Variants in IRAG1 observed in about 807,000 individuals in gnomAD.
The protein encoded by IRAG1 is inositol 1,4,5-triphosphate receptor associated 1, also known as IP3R-associated cGMP kinase substrate.
A neutral mutation model predicts 106.2 loss-of-function variants in IRAG1; 62 were observed. The ratio of observed to expected loss-of-function variants is 0.58; its 90% CI spans 0.48 to 0.72. The LOEUF (loss-of-function observed/expected upper bound fraction) is 0.72, where lower values mean the gene tolerates loss of function less well. Among genes scored for constraint, IRAG1 ranks in the 30% least tolerant of loss-of-function variants. The probability of loss-of-function intolerance (pLI) is 0.00; values close to 1 mark genes in which losing one functional copy is unlikely to be tolerated. For synonymous variants in IRAG1, 462 were observed against 443.9 expected (o/e 1.04, Z -0.51); for missense variants, 1,064 against 1,140.7 (o/e 0.93, Z 0.97).
At chr11:10,638,964 C>A (rs2134731567) in intron 2 of IRAG1, among the ~76,000 whole-genome samples, 1 of 152,294 alleles carries the variant, frequency 6.6e-6, no homozygotes, top group South Asian at 2.1e-4. Flanking sequence ...CTCTGTCTCC[C>A]AGGCTGGAGT....
At chr11:10,649,146 G>A (rs1489506964) in intron 2 of IRAG1, among the ~76,000 whole-genome samples, 1 of 152,166 alleles carries the variant, frequency 6.6e-6, no homozygotes, top group Non-Finnish European at 1.5e-5. Context: ...AGCTCCTGAG[G>A]CCTGACCCTC....
At chr11:10,687,682 A>C in intron 1 of IRAG1, 1 of 1,286,272 alleles carries the variant, frequency 7.8e-7, no homozygotes, top group Non-Finnish European at 1.0e-6. Flanking sequence ...GAAGTCCACC[A>C]CTCTCCTTGC....
chr11:10,581,733 G>A (rs1219858087), intron 19 of IRAG1, 134 bp downstream of exon 19: 17 of 1,090,840 alleles, frequency 1.6e-5, no homozygotes, highest in Non-Finnish European at 2.2e-5. Flanking sequence ...TTCCTATGTA[G>A]TTCCTTCCTG....
In IRAG1 at chr11:10,610,585, C is replaced by G. The variant is rs137893962; in HGVS notation, c.1448-734G>C. Among the ~76,000 whole-genome samples the G allele has an allele frequency of 1.9e-3, 290 of 152,360 alleles. 1 individual carries two copies. The highest frequency in any genetic ancestry group is 8.5e-3 in the South Asian group (41 of 4,830). On this transcript the variant is annotated intron_variant, in intron 10 of 20. Transcript: ENST00000423302. ...CCAGACTCTAGCTCCATTTTTCCAA[C>G]AAGCTCACTGTGCTCCACTGTGGCC...
chr11:10,577,432 T>C (rs927758844), intron 20 of IRAG1, among the ~76,000 whole-genome samples: 5 of 152,176 alleles, frequency 3.3e-5, no homozygotes, highest in African/African-American at 1.2e-4. Flanking sequence ...ACCGGGCAGA[T>C]GGCCTGCTTT....
At chr11:10,602,468 G>A (rs1170555322) in intron 14 of IRAG1, among the ~76,000 whole-genome samples, 1 of 152,218 alleles carries the variant, frequency 6.6e-6, no homozygotes, top group East Asian at 1.9e-4. Context: ...GCCAGGATTA[G>A]AACTCGGGCA....
At chr11:10,623,923 C>G (rs1856026628) in intron 9 of IRAG1, 67 bp from the exon 10 acceptor site, 2 of 1,457,620 alleles carry the variant, frequency 1.4e-6, no homozygotes, top group Admixed American at 3.4e-5. Context: ...TCTCTTGGCT[C>G]TGTCTATGGT....
intron 13 of IRAG1, 32 bp downstream of exon 13, chr11:10,604,373 C>T: frequency 6.2e-7 from 1 of 1,613,386 alleles, no homozygotes; most frequent in Non-Finnish European, 8.5e-7. Context: ...GTCTCTGCTC[C>T]AGGGATTCCT....
chr11:10,653,265 G>C (rs1451426808), intron 1 of IRAG1, among the ~76,000 whole-genome samples: 1 of 152,206 alleles, frequency 6.6e-6, no homozygotes. Flanking sequence ...GGGACCTGCA[G>C]AGAAACAGAA....
intron 1 of IRAG1, 181 bp downstream of exon 1, chr11:10,693,355 T>C: frequency 8.0e-7 from 1 of 1,245,234 alleles, no homozygotes; most frequent in Non-Finnish European, 1.1e-6. Flanking sequence ...ACTTCTGATT[T>C]AAAACTTAAG....
chr11:10,689,311 T>G (rs1861886790), intron 1 of IRAG1, among the ~76,000 whole-genome samples: 1 of 152,232 alleles, frequency 6.6e-6, no homozygotes, highest in Non-Finnish European at 1.5e-5. Flanking sequence ...CTGGAAGTCC[T>G]GCAGCAATTC....
intron 18 of IRAG1, among the ~76,000 whole-genome samples, chr11:10,582,217 G>A (rs879436257): frequency 1.3e-5 from 2 of 152,046 alleles, no homozygotes; most frequent in Admixed American, 6.5e-5. Flanking sequence ...TTCTCCTCAT[G>A]CTCCCAAACT....
chr11:10,592,163 G>T (rs1852752744), intron 17 of IRAG1, among the ~76,000 whole-genome samples: 1 of 152,074 alleles, frequency 6.6e-6, no homozygotes, highest in Non-Finnish European at 1.5e-5. Flanking sequence ...CTCAATGTTG[G>T]CTGCACATTA....
rs781756532 is a variant in IRAG1 at position 10,593,562 on chromosome 11, G to C, written c.2105C>G (p.Pro702Arg). The change falls in exon 17 of 21, where the codon CCT (proline) becomes CGT (arginine). Residue 702 changes from proline (P) to arginine (R), a missense_variant. By Grantham distance (103) the Pro-to-Arg change is moderately radical. Transcript: ENST00000423302. ...AGGCAGATTCAGGGCATTAAACTTA[G>C]GAACCACAGCAACGCTGACCCTCCG... The part of the protein sequence containing the change: ...PRRRVSVAVV[P>R]KFNALNLPGQ... The C allele has an allele frequency of 2.5e-6, 4 of 1,613,842 alleles. No individual in the cohort carries two copies. The highest frequency in any genetic ancestry group is 3.4e-6 in the Non-Finnish European group (4 of 1,179,784).
chr11:10,679,132 T>G (rs2135173891), intron 1 of IRAG1, among the ~76,000 whole-genome samples: 1 of 152,258 alleles, frequency 6.6e-6, no homozygotes, highest in East Asian at 1.9e-4. Flanking sequence ...AATCTTAGTG[T>G]CCTAGTTCTA....
intron 1 of IRAG1, chr11:10,687,835 A>T: frequency 7.8e-7 from 1 of 1,283,792 alleles, no homozygotes; most frequent in South Asian, 1.2e-5. Flanking sequence ...CCGAGTGCTA[A>T]GAATAGACAG....
chr11:10,594,108 T>C (rs1381496601), intron 16 of IRAG1, 38 bp downstream of exon 16: 2 of 1,570,998 alleles, frequency 1.3e-6, no homozygotes, highest in Non-Finnish European at 1.7e-6. Context: ...TCTGTCATAC[T>C]CCTTCCAGGA....
At chr11:10,685,691 C>T (rs1445683615) in intron 1 of IRAG1, among the ~76,000 whole-genome samples, 1 of 149,088 alleles carries the variant, frequency 6.7e-6, no homozygotes, top group Non-Finnish European at 1.5e-5. Flanking sequence ...CACTGCACTC[C>T]AGCCCAGGGG....
chr11:10,620,992 C>G (rs374565006), intron 10 of IRAG1, among the ~76,000 whole-genome samples: 3 of 152,126 alleles, frequency 2.0e-5, no homozygotes, highest in African/African-American at 7.2e-5. Flanking sequence ...AAAAAAGAAG[C>G]TGTATCTATT....
Sources: gnomAD v4.1 joint callset for allele counts (sites outside exome capture counted in the v4.1 genomes callset) on GRCh38, gnomAD v4.1.1 for gene constraint, MANE v1.5 for transcripts, NCBI Gene and HGNC (gene_info 2026-07-23, HGNC 2026-07-21) for gene names.